CCDC171: variants seen among roughly 807,000 people sequenced by gnomAD.
CCDC171 encodes the protein coiled-coil domain containing 171.
Under a neutral mutation model 168.2 loss-of-function variants are expected in CCDC171, and 177 were observed. The ratio of observed to expected loss-of-function variants is 1.05; its 90% CI spans 0.93 to 1.19. The LOEUF is 1.19. Ranked by LOEUF, CCDC171 falls within the 50% of genes most tolerant of loss-of-function variation. The pLI, the probability that CCDC171 is intolerant of heterozygous loss-of-function variation, is 0.00. For missense variants in CCDC171, 1,991 were observed against 1,539.0 expected, an observed-to-expected ratio of 1.29 and a Z score of -4.91; for synonymous variants, 687 against 540.8, an observed-to-expected ratio of 1.27 and a Z score of -3.75.
chr9:15,791,211 G>A (rs2058242497), intron 21 of CCDC171, among the ~76,000 whole-genome samples: 1 of 152,138 alleles, frequency 6.6e-6, no homozygotes, highest in African/African-American at 2.4e-5. Context: ...TCACGATGTT[G>A]ATTCTTCCTA....
chr9:15,602,414 T>C lies in CCDC171; in HGVS notation c.675+8242T>C, dbSNP rs79293668. On this transcript the variant is annotated intron_variant, in intron 6 of 25. Coordinates refer to ENST00000380701, the MANE Select transcript of CCDC171 (RefSeq NM_173550.4). ...TTTAAACCTTCTCAGTGAAACCCCA[T>C]CTTTAATAGACAAAACTTGTTATAA... 1.3e-4 allele frequency among the ~76,000 whole-genome samples: 20 copies of C among 152,234 alleles called. No individual in the cohort carries two copies. The East Asian group carries it at 3.5e-3, about 26-fold the overall frequency.
At chr9:15,692,367 CAA>C (rs34322493) in intron 10 of CCDC171, among the ~76,000 whole-genome samples, 45 of 147,262 alleles carry the variant, frequency 3.1e-4, no homozygotes, top group African/African-American at 4.7e-4. Flanking sequence ...TCTGTCTCTT[CAA>C]AAAAAAAAAA....
intron 21 of CCDC171, among the ~76,000 whole-genome samples, chr9:15,836,086 T>TAGACACTGATTTTCTAAAGTATGAGCCC (rs2060435544): frequency 6.6e-6 from 1 of 152,226 alleles, no homozygotes; most frequent in Non-Finnish European, 1.5e-5. Context: ...TAAATGAGCC[T>TAGACACTGATTTTCTAAAGTATGAGCCC]AGACACTGAT....
At chr9:15,660,643 G>A (rs1371601808) in intron 8 of CCDC171, among the ~76,000 whole-genome samples, 1 of 152,138 alleles carries the variant, frequency 6.6e-6, no homozygotes, top group South Asian at 2.1e-4. Context: ...TGTAGCATAG[G>A]ACATGATTTT....
At chr9:15,737,456 A>C (rs982846324) in intron 16 of CCDC171, among the ~76,000 whole-genome samples, 1 of 152,194 alleles carries the variant, frequency 6.6e-6, no homozygotes, top group Non-Finnish European at 1.5e-5. Context: ...CCAGGATCTG[A>C]AAGCACAGAA....
the CCDC171 span, among the ~76,000 whole-genome samples, chr9:16,085,633 G>A: frequency 2.6e-5 from 4 of 152,230 alleles, no homozygotes; most frequent in African/African-American, 9.7e-5. Context: ...TCTGGGAAAT[G>A]TGTTTCCAGG....
intron 3 of CCDC171, among the ~76,000 whole-genome samples, chr9:15,576,041 G>A (rs577298758): frequency 2.0e-5 from 3 of 151,110 alleles, no homozygotes; most frequent in East Asian, 1.9e-4. Flanking sequence ...GCAGTGAGCC[G>A]AGATCATGCC....
chr9:15,665,631 A>G (rs2048680344), intron 8 of CCDC171, among the ~76,000 whole-genome samples: 1 of 152,070 alleles, frequency 6.6e-6, no homozygotes, highest in African/African-American at 2.4e-5. Flanking sequence ...AAATAAAACA[A>G]TTAGCTGGGT....
intron 1 of CCDC171, among the ~76,000 whole-genome samples, chr9:15,555,767 T>C (rs1384946846): frequency 6.6e-6 from 1 of 152,168 alleles, no homozygotes; most frequent in African/African-American, 2.4e-5. Context: ...ATGTGCCATG[T>C]TGGTGTGCTG....
chr9:15,666,742 C>G (rs1389159944), intron 9 of CCDC171, among the ~76,000 whole-genome samples: 2 of 152,060 alleles, frequency 1.3e-5, no homozygotes, highest in African/African-American at 4.8e-5. Context: ...GGAGGATCAC[C>G]TGAGCCCGGG....
At chr9:15,992,347 G>T (rs771991089) in intron 3 of CCDC171, among the ~76,000 whole-genome samples, 2 of 152,184 alleles carry the variant, frequency 1.3e-5, no homozygotes, top group Non-Finnish European at 2.9e-5. Context: ...TATCTCAATA[G>T]ATGCAGAAAA....
At chr9:15,562,598 C>T (rs2992636) in intron 1 of CCDC171, among the ~76,000 whole-genome samples, 1 of 152,148 alleles carries the variant, frequency 6.6e-6, no homozygotes, top group African/African-American at 2.4e-5. Context: ...CCACACTTCT[C>T]TGCCCAATAT....
chr9:15,699,103 AG>A (rs2051463370), intron 11 of CCDC171, among the ~76,000 whole-genome samples: 1 of 152,088 alleles, frequency 6.6e-6, no homozygotes, highest in Non-Finnish European at 1.5e-5. Context: ...CAGTTCTTGA[AG>A]GCAGCGTGTC....
chr9:15,777,544 T>A, intron 18 of CCDC171, 56 bp from the exon 19 acceptor site: 2 of 1,012,964 alleles, frequency 2.0e-6, no homozygotes. Flanking sequence ...AGCAGTGTTG[T>A]GAAATGCACA....
At chr9:16,077,911 A>G in the CCDC171 span, among the ~76,000 whole-genome samples, 1 of 152,218 alleles carries the variant, frequency 6.6e-6, no homozygotes, top group East Asian at 1.9e-4. Context: ...TTTCTGTGGG[A>G]AGATGTTGGC....
At chr9:15,759,167 G>GT (rs1253303673) in intron 18 of CCDC171, among the ~76,000 whole-genome samples, 1 of 152,032 alleles carries the variant, frequency 6.6e-6, no homozygotes, top group Non-Finnish European at 1.5e-5. Flanking sequence ...AGACTAACAA[G>GT]TGATATTGAT....
At chr9:15,928,471 T>A (rs1316296821) in intron 25 of CCDC171, among the ~76,000 whole-genome samples, 1 of 151,740 alleles carries the variant, frequency 6.6e-6, no homozygotes, top group Non-Finnish European at 1.5e-5. Flanking sequence ...GTGTGGCATA[T>A]AAGCTGTGAT....
chr9:16,075,280 A>G, the CCDC171 span, among the ~76,000 whole-genome samples: 34 of 152,278 alleles, frequency 2.2e-4, no homozygotes, highest in African/African-American at 7.9e-4. Flanking sequence ...TTTTCTGCCT[A>G]TGGTGTTCCT....
chr9:15,586,665 C>A (rs2041586065), intron 4 of CCDC171, among the ~76,000 whole-genome samples: 1 of 152,114 alleles, frequency 6.6e-6, no homozygotes, highest in South Asian at 2.1e-4. Flanking sequence ...TCTGGGATTA[C>A]TTAAGAATTG....
Sources: allele counts gnomAD v4.1 joint callset (sites outside exome capture counted in the v4.1 genomes callset), GRCh38; gene constraint gnomAD v4.1.1; transcripts MANE v1.5; gene names NCBI Gene and HGNC (gene_info 2026-07-23, HGNC 2026-07-21).